ROCK1: variants seen among roughly 807,000 people sequenced by gnomAD.
ROCK1 encodes the protein rho-associated protein kinase 1.
ROCK1 carries 36 observed loss-of-function variants against 196.8 expected under a neutral mutation model. The observed-to-expected ratio is 0.18, with a 90% confidence interval of 0.14 to 0.24. The LOEUF (loss-of-function observed/expected upper bound fraction) is 0.24. ROCK1 is among the 10% of genes least tolerant of loss of function. The pLI is 1.00. For synonymous variants in ROCK1, 443 were observed against 515.9 expected, an observed-to-expected ratio of 0.86 and a Z score of 1.91; for missense variants, 920 against 1,562.0, an observed-to-expected ratio of 0.59 and a Z score of 6.93.
chr18:20,959,053 T>G (rs1214364965), intron 29 of ROCK1, among the ~76,000 whole-genome samples: 8 of 50,922 alleles, frequency 1.6e-4, no homozygotes, highest in African/African-American at 1.1e-3. Flanking sequence ...ATATAATATA[T>G]ATATTATATT....
intron 4 of ROCK1, among the ~76,000 whole-genome samples, chr18:21,047,497 TA>T (rs1382632008): frequency 2.6e-5 from 4 of 152,056 alleles, no homozygotes; most frequent in African/African-American, 9.7e-5. Context: ...ATTTCAAGTT[TA>T]AAAGTACTAT....
At chr18:21,041,270 T>TAAA (rs780115669) in intron 8 of ROCK1, among the ~76,000 whole-genome samples, 1 of 105,164 alleles carries the variant, frequency 9.5e-6, no homozygotes, top group African/African-American at 3.6e-5. Flanking sequence ...TGTCTCTATT[T>TAAA]AAAAAAAAAA....
At chr18:21,065,227 G>A (rs1483501484) in intron 2 of ROCK1, among the ~76,000 whole-genome samples, 1 of 152,142 alleles carries the variant, frequency 6.6e-6, no homozygotes, top group Non-Finnish European at 1.5e-5. Flanking sequence ...TACTTTCTCA[G>A]TAATTGTACT....
At chr18:21,023,293 T>C (rs1321836188) in intron 11 of ROCK1, among the ~76,000 whole-genome samples, 5 of 152,192 alleles carry the variant, frequency 3.3e-5, no homozygotes, top group Non-Finnish European at 7.4e-5. Context: ...TGTTTAAATA[T>C]TTTGAACATG....
chr18:20,954,936 T>C lies in ROCK1; in HGVS notation c.3700A>G (p.Thr1234Ala). Residue 1234 changes from threonine (T) to alanine (A), a missense_variant, in exon 31 of 33, where the codon ACA (threonine) becomes GCA (alanine). This residue lies in a region of ROCK1 where 49 missense variants were observed against 180.4 expected (regional missense o/e 0.27). Transcript: ENST00000399799. ...CAATTGGCAGGAAAGTGGTAGAGTG[T>C]AGGAATAAACTCATGGCCTTTGTGA... Reference protein sequence around the residue: ...QNHKGHEFIPTLYHFPANCDA... With the variant: ...QNHKGHEFIPALYHFPANCDA... The C allele has an allele frequency of 6.2e-7, 1 of 1,613,894 alleles. No homozygotes were observed. The highest frequency in any genetic ancestry group is 8.5e-7 in the Non-Finnish European group (1 of 1,179,820).
intron 4 of ROCK1, among the ~76,000 whole-genome samples, chr18:21,045,972 G>T (rs1342972139): frequency 7.1e-6 from 1 of 140,634 alleles, no homozygotes; most frequent in African/African-American, 2.6e-5. Flanking sequence ...GTGCAGTGGC[G>T]TGATGTCGGC....
At chr18:21,068,550 C>G (rs1296820523) in intron 2 of ROCK1, among the ~76,000 whole-genome samples, 1 of 152,136 alleles carries the variant, frequency 6.6e-6, no homozygotes, top group Non-Finnish European at 1.5e-5. Flanking sequence ...CTCTATAGAT[C>G]AATTAATTTG....
At chr18:20,964,082 A>C (rs781049316) in intron 27 of ROCK1, among the ~76,000 whole-genome samples, 4 of 152,162 alleles carry the variant, frequency 2.6e-5, no homozygotes, top group Non-Finnish European at 4.4e-5. Context: ...ATGATGAAAT[A>C]TAAGAGAAAT....
At position 20,947,387 on chromosome 18, in the gene ROCK1, T is replaced by C. The variant is rs2035139125; in HGVS notation, c.*3997A>G. The C allele has an allele frequency of 6.6e-6, 1 of 152,040 alleles. No individual in the cohort carries two copies. The highest frequency in any genetic ancestry group is 1.5e-5 in the Non-Finnish European group (1 of 68,014). The allele number at this position is 152,040 out of a possible 1,614,324, so 9.4% of individuals were successfully genotyped here. A position where few individuals can be genotyped will look rare whatever the true frequency, so the allele number is the denominator to read the frequency against. ...TGCATTTAATTTATTGCAATAAGCA[T>C]AGATCTTGTCCAGAAAAAAAACACT... On this transcript the variant is annotated 3_prime_UTR_variant, in exon 33 of 33. Coordinates refer to ENST00000399799, the MANE Select transcript of ROCK1 (RefSeq NM_005406.3).
At chr18:20,964,277 C>T (rs2035353010) in intron 27 of ROCK1, among the ~76,000 whole-genome samples, 1 of 152,024 alleles carries the variant, frequency 6.6e-6, no homozygotes, top group African/African-American at 2.4e-5. Context: ...AATCATTAGC[C>T]ATTACCTTCA....
Position 20,992,826 on chromosome 18 carries a change from T to A in ROCK1, c.1992+5A>T. ...ATAATAATTGGTATATGTTAAATCA[T>A]TTACCTTTTCTGAGTGATTAAGCAT... On this transcript the variant is annotated splice_donor_5th_base_variant and intron_variant, in intron 17 of 32. Coordinates refer to ENST00000399799, the MANE Select transcript of ROCK1 (RefSeq NM_005406.3). The A allele has an allele frequency of 6.5e-7, 1 of 1,527,186 alleles. No individual in the cohort carries two copies. The highest frequency in any genetic ancestry group is 9.1e-7 in the Non-Finnish European group (1 of 1,102,930). 94.6% of individuals were successfully genotyped at this position (1,527,186 alleles called of 1,614,324 possible).
intron 16 of ROCK1, among the ~76,000 whole-genome samples, chr18:20,996,531 A>T (rs186168084): frequency 1.1e-3 from 161 of 152,244 alleles, no homozygotes; most frequent in Non-Finnish European, 1.7e-3. Context: ...AACTTCCCAA[A>T]TCTAGAAAAA....
intron 16 of ROCK1, among the ~76,000 whole-genome samples, chr18:21,001,275 C>T (rs528335834): frequency 1.3e-5 from 2 of 152,110 alleles, no homozygotes; most frequent in South Asian, 4.2e-4. Context: ...GATAGTGGAG[C>T]GGAGAATAGG....
At position 21,111,347 on chromosome 18, in the gene ROCK1, A is replaced by G. The variant is rs2036750444; in HGVS notation, c.-437T>C. ...AGGGAGAAGAGGAAAGGCGAAAGCA[A>G]AGGGCGGGTGAGGAGCTGTGCCAGC... On this transcript the variant is annotated 5_prime_UTR_variant, in exon 1 of 33. Transcript: ENST00000399799. The surrounding 1 kb of genome is among the most constrained non-coding windows in gnomAD (Gnocchi z 4.2). 2.3e-6 allele frequency: 1 copy of G among 438,858 alleles called. No homozygotes were observed. Among genetic ancestry groups the G allele is most frequent in the African/African-American group, 2.1e-5 (1 of 48,582 alleles). The allele number at this position is 438,858 out of a possible 1,614,324, so 27.2% of individuals were successfully genotyped here. A position where few individuals can be genotyped will look rare whatever the true frequency, so the allele number is the denominator to read the frequency against.
chr18:21,016,681 C>T (rs2035865504), intron 12 of ROCK1, among the ~76,000 whole-genome samples: 1 of 152,118 alleles, frequency 6.6e-6, no homozygotes, highest in Non-Finnish European at 1.5e-5. Flanking sequence ...CTTCTAGAGT[C>T]CCTAAGTAAA....
Position 20,970,529 on chromosome 18 carries a change from A to C in ROCK1, c.2655-16T>G, listed in dbSNP as rs778381102. 2 of 1,574,882 alleles carry C rather than the reference A, an allele frequency of 1.3e-6. No individual in the cohort carries two copies. Among genetic ancestry groups the C allele is most frequent in the East Asian group, 4.5e-5 (2 of 44,448 alleles). On this transcript the variant is annotated splice_polypyrimidine_tract_variant and intron_variant, in intron 22 of 32. Coordinates refer to ENST00000399799, the MANE Select transcript of ROCK1 (RefSeq NM_005406.3). ...AAGAGTTTCTCTGCAACAATTTTTT[A>C]AGAGAAACTGATGTAAACAAATTCA...
chr18:21,093,939 G>A (rs1156726785), intron 1 of ROCK1, among the ~76,000 whole-genome samples: 2 of 132,294 alleles, frequency 1.5e-5, no homozygotes, highest in Non-Finnish European at 3.2e-5. Flanking sequence ...TTGGGTGACA[G>A]AGCAAGACTC....
rs1239141008 is a variant in ROCK1, at chr18:20,970,366, T to G, written c.2802A>C (p.Lys934Asn). 6.2e-7 allele frequency: 1 copy of G among 1,613,784 alleles called. No individual in the cohort carries two copies. Among genetic ancestry groups the G allele is most frequent in the Non-Finnish European group, 8.5e-7 (1 of 1,179,772 alleles). Residue 934 changes from lysine (K) to asparagine (N), a missense_variant, in exon 23 of 33, where the codon AAA becomes AAC. Physicochemically the swap from Lys to Asn is moderately conservative, Grantham distance 94. Around this residue, in one of 6 missense-constraint regions of ROCK1, gnomAD observed 520 missense variants for 657.1 expected, o/e 0.79. Coordinates refer to ENST00000399799, the MANE Select transcript of ROCK1 (RefSeq NM_005406.3). ...ASRNRQEITD[K>N]DHTVSRLEEA... ...CACTTACCCGACTAACAGTGTGATC[T>G]TTATCTGTAATCTCTTGTCTATTTC...
chr18:21,041,524 A>G (rs2036106469), intron 8 of ROCK1, among the ~76,000 whole-genome samples: 1 of 152,070 alleles, frequency 6.6e-6, no homozygotes, highest in South Asian at 2.1e-4. Flanking sequence ...TCAAAAATGC[A>G]GACAGACATT....
Sources: allele counts gnomAD v4.1 joint callset (sites outside exome capture counted in the v4.1 genomes callset), GRCh38; gene constraint gnomAD v4.1.1; regional missense constraint gnomAD v4.1.1; non-coding constraint Gnocchi (gnomAD v3.1); transcripts MANE v1.5; gene names NCBI Gene and HGNC (gene_info 2026-07-23, HGNC 2026-07-21).